Variants in PNCK observed in about 807,000 individuals in gnomAD.
PNCK encodes calcium/calmodulin-dependent protein kinase type 1B.
A neutral mutation model predicts 28.3 loss-of-function variants in PNCK; 21 were observed. The observed-to-expected ratio is 0.74, with a 90% CI of 0.53 to 1.07. The LOEUF (loss-of-function observed/expected upper bound fraction) is 1.07. PNCK is among the 50% of genes least tolerant of loss of function. The pLI is 0.00. For missense variants in PNCK, 250 were observed against 298.3 expected, an observed-to-expected ratio of 0.84 and a Z score of 1.19; for synonymous variants, 136 against 125.2, an observed-to-expected ratio of 1.09 and a Z score of -0.58.
At chrX:153,687,528 C>T (rs781883633) in exon 1 of PNCK, 54 of 321,470 alleles carry the variant, frequency 1.7e-4, no homozygotes, top group South Asian at 1.6e-4. Flanking sequence ...GAGGGAGCAC[C>T]GGGAGGAGAC....
chrX:153,673,905 CGCGG>C, upstream of PNCK: 1 of 931,548 alleles, frequency 1.1e-6, no homozygotes, highest in Non-Finnish European at 1.3e-6. Flanking sequence ...AGTGGCCCAG[CGCGG>C]CCGCGGCGCC....
chrX:153,673,059 T>C lies in PNCK; in HGVS notation c.18A>G (p.Lys6=), dbSNP rs782213580. MLLLK[K]HTEDISSVYE... is the part of the protein sequence containing the mutation. ...AGACGCTGCTGATGTCCTCCGTGTG[T>C]TTCTTCAGCAGCAGCATGTCTGCAG... The change falls in exon 2 of 12, where the codon AAA becomes AAG. Residue 6 remains lysine, a synonymous_variant. Coordinates refer to ENST00000340888, the MANE Select transcript of PNCK (RefSeq NM_001366977.1). 8.3e-7 allele frequency: 1 copy of C among 1,198,027 alleles called. No individual in the cohort carries two copies. Among genetic ancestry groups the C allele is most frequent in the Non-Finnish European group, 1.1e-6 (1 of 886,641 alleles).
At chrX:153,674,246 C>G, upstream of PNCK, 1 of 1,132,246 alleles carries the variant, frequency 8.8e-7, no homozygotes, top group Non-Finnish European at 1.2e-6. Flanking sequence ...TCACTGGGCT[C>G]CCTCTGGCTC....
At chrX:153,679,300 T>C (rs1238290538), upstream of PNCK, among the ~76,000 whole-genome samples, 13 of 109,590 alleles carry the variant, frequency 1.2e-4, no homozygotes, top group South Asian at 5.1e-3. Flanking sequence ...TCACCAGCAA[T>C]GAGTGGGAGT....
chrX:153,672,755 A>C, intron 2 of PNCK, 58 bp from the exon 3 acceptor site: 1 of 1,141,501 alleles, frequency 8.8e-7, no homozygotes, highest in East Asian at 3.1e-5. Context: ...GAGAGGCAGG[A>C]GGGAGAGAGA....
At chrX:153,677,598 A>G (rs2091373190), upstream of PNCK, among the ~76,000 whole-genome samples, 1 of 100,271 alleles carries the variant, frequency 1.0e-5, no homozygotes, top group Non-Finnish European at 2.0e-5. Context: ...ATATATATAT[A>G]TAGTGTGTAT....
chrX:153,687,536 G>A lies in PNCK; in HGVS notation c.-108C>T, dbSNP rs1160469716. On this transcript the variant is annotated 5_prime_UTR_variant, in exon 1 of 4. Coordinates refer to the PNCK transcript ENST00000419804. ...AAGGAAGGAGGGAGCACCGGGAGGA[G>A]ACGGCTGCAGCCTGCCAGGAGCGGG... 9.3e-5 allele frequency: 30 copies of A among 321,828 alleles called. No homozygotes were observed. In the Admixed American group the frequency reaches 9.5e-4, roughly 10 times the overall value. 26.5% of individuals were successfully genotyped at this position (321,828 alleles called of 1,213,427 possible).
At chrX:153,682,046 T>C (rs150661252) in intron 1 of PNCK, among the ~76,000 whole-genome samples, 3,357 of 111,828 alleles carry the variant, frequency 0.03, 117 homozygotes, top group African/African-American at 0.1. Flanking sequence ...TGGAGTGCAG[T>C]GGCGCGATCT....
chrX:153,678,383 G>A (rs782578075), upstream of PNCK, among the ~76,000 whole-genome samples: 2 of 111,561 alleles, frequency 1.8e-5, no homozygotes, highest in African/African-American at 3.3e-5. Context: ...GAGCCTAGGA[G>A]GTCAAGGCTA....
intron 11 of PNCK, 57 bp downstream of exon 11, chrX:153,670,393 C>G: frequency 1.7e-6 from 2 of 1,201,114 alleles, no homozygotes; most frequent in Middle Eastern, 4.7e-4. Flanking sequence ...AGCGCCACCA[C>G]CCTCTAAGCT....
At chrX:153,685,507 C>T (rs2091415118) in intron 1 of PNCK, among the ~76,000 whole-genome samples, 1 of 111,797 alleles carries the variant, frequency 8.9e-6, no homozygotes, top group African/African-American at 3.3e-5. Context: ...GGGGCGGCTC[C>T]CAGGGTGGCC....
chrX:153,671,458 C>T (rs1385039484), intron 6 of PNCK, 91 bp downstream of exon 6: 18 of 1,209,906 alleles, frequency 1.5e-5, no homozygotes, highest in Non-Finnish European at 2.0e-5. Context: ...GAATGGCCCA[C>T]ACAAAGGCAA....
At chrX:153,687,293 C>T (rs2091425246) in intron 1 of PNCK, 1 of 278,801 alleles carries the variant, frequency 3.6e-6, no homozygotes, top group African/African-American at 2.8e-5. Flanking sequence ...CCCCTACCCA[C>T]TCTCACGCCA....
chrX:153,676,262 C>T (rs1353406260), upstream of PNCK, among the ~76,000 whole-genome samples: 3 of 110,840 alleles, frequency 2.7e-5, no homozygotes, highest in Non-Finnish European at 5.7e-5. Flanking sequence ...TGTCCCAGCT[C>T]GCAGCCTATC....
chrX:153,685,642 G>A (rs782379442), intron 1 of PNCK, among the ~76,000 whole-genome samples: 14 of 112,794 alleles, frequency 1.2e-4, no homozygotes, highest in South Asian at 3.6e-4. Flanking sequence ...GGAACGCCCC[G>A]AGGCTGGGAG....
At chrX:153,672,751 C>A in intron 2 of PNCK, 54 bp from the exon 3 acceptor site, 1 of 1,152,141 alleles carries the variant, frequency 8.7e-7, no homozygotes, top group Non-Finnish European at 1.2e-6. Context: ...AGAGGAGAGG[C>A]AGGAGGGAGA....
chrX:153,683,847 G>A (rs1362718912), intron 1 of PNCK, among the ~76,000 whole-genome samples: 3 of 111,816 alleles, frequency 2.7e-5, no homozygotes, highest in Non-Finnish European at 3.8e-5. Context: ...TATGTGGTCC[G>A]GGTGGAGCCA....
intron 1 of PNCK, chrX:153,673,366 C>T: frequency 1.9e-6 from 2 of 1,058,999 alleles, no homozygotes; most frequent in East Asian, 3.3e-5. Flanking sequence ...CATCCGGCCG[C>T]TTTCCAGAAG....
chrX:153,676,876 A>G (rs186456346), upstream of PNCK, among the ~76,000 whole-genome samples: 67 of 110,635 alleles, frequency 6.1e-4, no homozygotes, highest in East Asian at 0.015. Context: ...AAAAAAAAAA[A>G]AAAGAAAGAA....
Sources: allele counts gnomAD v4.1 joint callset (sites outside exome capture counted in the v4.1 genomes callset), GRCh38; gene constraint gnomAD v4.1.1; transcripts MANE v1.5; gene names NCBI Gene and HGNC (gene_info 2026-07-23, HGNC 2026-07-21).